The following JAKMIP2 variants were observed in gnomAD, a reference collection of about 807,000 sequenced individuals.
JAKMIP2 encodes janus kinase and microtubule-interacting protein 2.
In JAKMIP2, 25 loss-of-function variants were observed where a neutral mutation model predicts 115.0. The observed-to-expected ratio is 0.22, with a 90% confidence interval of 0.16 to 0.30. The LOEUF is 0.30. Ranked by LOEUF, JAKMIP2 falls within the 10% of genes least tolerant of loss-of-function variation. The pLI, the probability that JAKMIP2 is intolerant of heterozygous loss-of-function variation, is 1.00. For missense variants in JAKMIP2, 642 were observed against 957.6 expected (o/e 0.67, Z 4.35); for synonymous variants, 334 against 343.6 (o/e 0.97, Z 0.31).
chr5:147,663,610 G>A (rs902093490), intron 2 of JAKMIP2, among the ~76,000 whole-genome samples: 1 of 152,150 alleles, frequency 6.6e-6, no homozygotes, highest in African/African-American at 2.4e-5. Context: ...TCCCTCTAGA[G>A]AACCCTAATA....
chr5:147,710,539 C>T (rs1752738238), intron 1 of JAKMIP2, among the ~76,000 whole-genome samples: 1 of 152,126 alleles, frequency 6.6e-6, no homozygotes, highest in Non-Finnish European at 1.5e-5. Flanking sequence ...AGTCAATTAA[C>T]TCCTTAGGCT....
rs371302660 is a variant in JAKMIP2 at position 147,637,692 on chromosome 5, C to T, written c.1531-644G>A. On this transcript the variant is annotated intron_variant, in intron 10 of 21. Transcript: ENST00000616793. Reference sequence around the variant, plus strand: ...TGACCTCAGATGATCCACCCGTCTCCGCCTCCCAAAGTGCACCCGGCCTTT... The same window carrying T: ...TGACCTCAGATGATCCACCCGTCTCTGCCTCCCAAAGTGCACCCGGCCTTT... Among the ~76,000 whole-genome samples, 19 of 152,062 alleles carry T rather than the reference C, an allele frequency of 1.2e-4. No homozygotes were observed. In the East Asian group the frequency reaches 2.3e-3, roughly 19 times the overall value.
At chr5:147,622,663 A>T (rs1034051484) in intron 17 of JAKMIP2, among the ~76,000 whole-genome samples, 4 of 152,228 alleles carry the variant, frequency 2.6e-5, no homozygotes, top group Non-Finnish European at 5.9e-5. Flanking sequence ...ATTGATGGAC[A>T]TTTGGGTTAC....
intron 1 of JAKMIP2, among the ~76,000 whole-genome samples, chr5:147,773,587 G>A (rs558485978): frequency 3.9e-5 from 6 of 152,098 alleles, no homozygotes; most frequent in East Asian, 3.8e-4. Flanking sequence ...ATAACCGTAC[G>A]TAGGATGAAA....
intron 20 of JAKMIP2, among the ~76,000 whole-genome samples, chr5:147,602,477 T>G (rs950404611): frequency 6.6e-6 from 1 of 152,216 alleles, no homozygotes; most frequent in Admixed American, 6.5e-5. Context: ...TCTGCATCAA[T>G]GGGCATTTCA....
At position 147,644,350 on chromosome 5, in the gene JAKMIP2, C is replaced by T. The variant is rs1008779692; in HGVS notation, c.1084-152G>A. On this transcript the variant is annotated intron_variant, in intron 6 of 21. Transcript: ENST00000616793. ...CACATACACCAACTAAATCCTCAAG[C>T]ACATTTTATCTGCCATAATAAGTCA... 32 of 580,598 alleles carry T rather than the reference C, an allele frequency of 5.5e-5. 2 individuals are homozygous for T. In the East Asian group the frequency reaches 6.2e-4, roughly 11 times the overall value. 36.0% of individuals were successfully genotyped at this position (580,598 alleles called of 1,614,324 possible).
intron 1 of JAKMIP2, among the ~76,000 whole-genome samples, chr5:147,770,039 C>T: frequency 6.6e-6 from 1 of 152,066 alleles, no homozygotes; most frequent in East Asian, 1.9e-4. Flanking sequence ...TTCATTTGCA[C>T]TATTTTGGCC....
chr5:147,613,599 A>G (rs574222019), intron 19 of JAKMIP2, among the ~76,000 whole-genome samples: 12 of 152,148 alleles, frequency 7.9e-5, no homozygotes, highest in Non-Finnish European at 1.8e-4. Context: ...TGCAACCATC[A>G]CCACTATCTA....
chr5:147,688,353 G>A (rs1760670564), intron 1 of JAKMIP2, among the ~76,000 whole-genome samples: 1 of 152,138 alleles, frequency 6.6e-6, no homozygotes, highest in African/African-American at 2.4e-5. Flanking sequence ...TCAGGCAAGG[G>A]AGTGCTTTAA....
intron 1 of JAKMIP2, among the ~76,000 whole-genome samples, chr5:147,700,021 C>T (rs1265125910): frequency 6.6e-6 from 1 of 152,220 alleles, no homozygotes; most frequent in African/African-American, 2.4e-5. Flanking sequence ...AAGGCCAGTG[C>T]TCCCAATGAT....
chr5:147,780,988 C>T (rs1043554124), intron 1 of JAKMIP2, among the ~76,000 whole-genome samples: 5 of 152,082 alleles, frequency 3.3e-5, no homozygotes, highest in African/African-American at 7.2e-5. Flanking sequence ...TTATCCTGGG[C>T]GGGAATGGAA....
chr5:147,782,403 G>A, intron 1 of JAKMIP2, 53 bp downstream of exon 1: 2 of 1,522,954 alleles, frequency 1.3e-6, no homozygotes, highest in Non-Finnish European at 8.8e-7. Context: ...GTATACACAG[G>A]TCAAATAAGA....
At chr5:147,629,943 T>C (rs1757281730) in intron 14 of JAKMIP2, among the ~76,000 whole-genome samples, 197 bp from the exon 15 acceptor site, 1 of 152,204 alleles carries the variant, frequency 6.6e-6, no homozygotes, top group Admixed American at 6.5e-5. Flanking sequence ...TAACAGATCA[T>C]TCTTAATTTT....
At chr5:147,725,154 T>G (rs1370290620) in intron 1 of JAKMIP2, among the ~76,000 whole-genome samples, 5 of 152,258 alleles carry the variant, frequency 3.3e-5, no homozygotes, top group Admixed American at 2.6e-4. Context: ...CACCGTGCCA[T>G]GATAGTTCAC....
rs192433983 is a variant in JAKMIP2, at chr5:147,620,904, G to A, written c.2065-161C>T. Among the ~76,000 whole-genome samples, 263 of 152,252 alleles carry A rather than the reference G, an allele frequency of 1.7e-3. 1 individual carries two copies. Among genetic ancestry groups the A allele is most frequent in the African/African-American group, 5.9e-3 (244 of 41,534 alleles). Reference sequence around the variant, plus strand: ...TTAGGGAAATAGTTCAACTCTCATAGTCTCACACAGGAATGTGAAAATCAA... The same window carrying A: ...TTAGGGAAATAGTTCAACTCTCATAATCTCACACAGGAATGTGAAAATCAA... On this transcript the variant is annotated intron_variant, in intron 17 of 21. Coordinates refer to ENST00000616793, the MANE Select transcript of JAKMIP2 (RefSeq NM_001270941.2).
intron 1 of JAKMIP2, among the ~76,000 whole-genome samples, chr5:147,732,842 G>A (rs1372844732): frequency 3.9e-5 from 6 of 152,230 alleles, no homozygotes; most frequent in East Asian, 1.9e-4. Flanking sequence ...TTAATTTCAC[G>A]CTGTGATGTT....
intron 1 of JAKMIP2, among the ~76,000 whole-genome samples, chr5:147,715,603 C>T (rs1002115628): frequency 2.0e-5 from 3 of 151,426 alleles, no homozygotes; most frequent in African/African-American, 7.3e-5. Flanking sequence ...CATTTCTCCT[C>T]GGAAGACATG....
rs34831610 is a variant in JAKMIP2, at chr5:147,637,437, A to AT, written c.1531-390dup. ...CATTTTGCCTCCCCAAATTCTTTTG[A>AT]TTTTTTTTTTTTTTTTTTTTGAGAC... On this transcript the variant is annotated intron_variant, in intron 10 of 21. Coordinates refer to ENST00000616793, the MANE Select transcript of JAKMIP2 (RefSeq NM_001270941.2). Among the ~76,000 whole-genome samples the AT allele has an allele frequency of 2.1e-3, 167 of 79,292 alleles. 8 individuals are homozygous for AT. The highest frequency in any genetic ancestry group is 5.8e-3 in the African/African-American group (133 of 23,124). 52.0% of individuals were successfully genotyped at this position (79,292 alleles called of 152,430 possible). A position where few individuals can be genotyped will look rare whatever the true frequency, so the allele number is the denominator to read the frequency against.
intron 1 of JAKMIP2, among the ~76,000 whole-genome samples, chr5:147,753,176 G>C (rs1287057284): frequency 2.6e-5 from 4 of 152,110 alleles, no homozygotes. Flanking sequence ...CCCAGCACCT[G>C]ACTCATAGTA....
Sources: gnomAD v4.1 joint callset for allele counts (sites outside exome capture counted in the v4.1 genomes callset) on GRCh38, gnomAD v4.1.1 for gene constraint, MANE v1.5 for transcripts, NCBI Gene and HGNC (gene_info 2026-07-23, HGNC 2026-07-21) for gene names.